MIPEP: variants seen among roughly 807,000 people sequenced by gnomAD.
MIPEP encodes the protein mitochondrial intermediate peptidase.
In MIPEP, 79 loss-of-function variants were observed where a neutral mutation model predicts 90.3. That is an observed-to-expected ratio of 0.87 (90% confidence interval 0.73 to 1.05). The LOEUF (loss-of-function observed/expected upper bound fraction) is 1.05. MIPEP is among the 50% of genes least tolerant of loss of function. MIPEP has a pLI of 0.00. For missense variants in MIPEP, 940 were observed against 905.6 expected (o/e 1.04, Z -0.49); for synonymous variants, 334 against 315.8 (o/e 1.06, Z -0.61).
intron 4 of MIPEP, 65 bp downstream of exon 4, chr13:23,879,199 TGAGG>T: frequency 1.1e-6 from 1 of 901,574 alleles, no homozygotes; most frequent in East Asian, 2.4e-5. Flanking sequence ...ACAGAGGCCC[TGAGG>T]GAGAGTCTCC....
intron 18 of MIPEP, among the ~76,000 whole-genome samples, chr13:23,735,071 T>C (rs529046741): frequency 1.8e-4 from 27 of 152,238 alleles, no homozygotes; most frequent in Admixed American, 4.6e-4. Flanking sequence ...CCCACCTGTG[T>C]AGAAGATCAT....
chr13:23,799,000 G>GTTTTT (rs765292524), intron 16 of MIPEP, among the ~76,000 whole-genome samples: 105 of 88,876 alleles, frequency 1.2e-3, no homozygotes, highest in Non-Finnish European at 1.4e-3. Flanking sequence ...AATTTTTTTG[G>GTTTTT]TTTTTTTTTT....
Position 23,835,109 on chromosome 13 carries a change from C to T in MIPEP, c.1653+1131G>A, listed in dbSNP as rs573368742. On this transcript the variant is annotated intron_variant, in intron 14 of 18. Coordinates refer to ENST00000382172, the MANE Select transcript of MIPEP (RefSeq NM_005932.4). ...AATGTCGGCTCACTGCAACCTCTGC[C>T]TCCCAGGTTCAAGTGATTCTCCTGC... Among the ~76,000 whole-genome samples, 15 of 150,978 alleles carry T rather than the reference C, an allele frequency of 9.9e-5. No homozygotes were observed. The East Asian group carries it at 2.3e-3, about 24-fold the overall frequency.
intron 17 of MIPEP, 116 bp from the exon 18 acceptor site, chr13:23,756,734 G>T: frequency 1.1e-6 from 1 of 939,648 alleles, no homozygotes; most frequent in Non-Finnish European, 1.6e-6. Flanking sequence ...GCCACCATGT[G>T]ACAATTTGGC....
chr13:23,768,459 TAATCC>T (rs1220207123), intron 16 of MIPEP, among the ~76,000 whole-genome samples: 1 of 152,214 alleles, frequency 6.6e-6, no homozygotes, highest in Non-Finnish European at 1.5e-5. Context: ...CTCATGTCTG[TAATCC>T]CAGAACTTTG....
intron 17 of MIPEP, among the ~76,000 whole-genome samples, chr13:23,759,047 G>A (rs1253842907): frequency 6.6e-6 from 1 of 152,140 alleles, no homozygotes; most frequent in Non-Finnish European, 1.5e-5. Flanking sequence ...AAAGTTCCCT[G>A]AAAAGAATTT....
At chr13:23,830,410 G>A (rs1238097396) in intron 14 of MIPEP, among the ~76,000 whole-genome samples, 1 of 152,166 alleles carries the variant, frequency 6.6e-6, no homozygotes, top group Non-Finnish European at 1.5e-5. Context: ...GATAAGAATT[G>A]AGCACTATGC....
intron 16 of MIPEP, among the ~76,000 whole-genome samples, chr13:23,776,009 G>A (rs775548995): frequency 2.0e-5 from 3 of 152,094 alleles, no homozygotes; most frequent in Non-Finnish European, 4.4e-5. Flanking sequence ...TTAAGTATAT[G>A]GTCATATTCA....
chr13:23,785,241 A>G (rs1159715581), intron 16 of MIPEP, among the ~76,000 whole-genome samples: 1 of 152,164 alleles, frequency 6.6e-6, no homozygotes, highest in Non-Finnish European at 1.5e-5. Context: ...AACCAACCCA[A>G]ATGTCCAACA....
chr13:23,796,106 C>G (rs188869402), intron 16 of MIPEP, among the ~76,000 whole-genome samples: 1 of 151,832 alleles, frequency 6.6e-6, no homozygotes, highest in East Asian at 1.9e-4. Flanking sequence ...CTCTATATAT[C>G]GAACAAAGAA....
At chr13:23,865,977 AATTAGTGTCCCC>A (rs1870515518) in intron 7 of MIPEP, among the ~76,000 whole-genome samples, 1 of 151,956 alleles carries the variant, frequency 6.6e-6, no homozygotes, top group Non-Finnish European at 1.5e-5. Flanking sequence ...GGCCTGCCTC[AATTAGTGTCCCC>A]AGAGAATTGT....
rs750900338 is a variant in MIPEP at position 23,837,502 on chromosome 13, T to C, written c.1543+50A>G. On this transcript the variant is annotated intron_variant, in intron 13 of 18. Coordinates refer to ENST00000382172, the MANE Select transcript of MIPEP (RefSeq NM_005932.4). ...AGCCCCTTTCCCAATTCAAAGAAAA[T>C]GTATGTTTGTAAAGGACTGTAGTAA... The C allele has an allele frequency of 7.4e-6, 10 of 1,356,966 alleles. No homozygotes were observed. In the African/African-American group the frequency reaches 8.6e-5, roughly 12 times the overall value. The allele number at this position is 1,356,966 out of a possible 1,614,324, so 84.1% of individuals were successfully genotyped here. A position where few individuals can be genotyped will look rare whatever the true frequency, so the allele number is the denominator to read the frequency against.
chr13:23,843,710 C>T (rs1593186049), intron 10 of MIPEP, among the ~76,000 whole-genome samples: 1 of 152,078 alleles, frequency 6.6e-6, no homozygotes, highest in Admixed American at 6.5e-5. Context: ...GCAGGGAGGG[C>T]TGACAGGAGG....
At chr13:23,765,997 C>G (rs1288487465) in intron 16 of MIPEP, 1 of 152,124 alleles carries the variant, frequency 6.6e-6, no homozygotes, top group Non-Finnish European at 1.5e-5. Context: ...TCAAGACCAC[C>G]ACACAACAAC....
Position 23,889,164 on chromosome 13 carries a change from C to A in MIPEP, c.157G>T (p.Gly53Cys). 1 of 1,466,474 alleles carries A rather than the reference C, an allele frequency of 6.8e-7. No homozygotes were observed. Among genetic ancestry groups the A allele is most frequent in the Non-Finnish European group, 9.0e-7 (1 of 1,110,612 alleles). 90.8% of individuals were successfully genotyped at this position (1,466,474 alleles called of 1,614,324 possible). The stretch of plus-strand genomic sequence containing the variant: ...TCGCCGAACAGGTCCAAGCGGCTGC[C>A]CTGGGGCTTGACATTGAAGGCGGCG... Reference protein sequence around the residue: ...VGAAFNVKPQGSRLDLFGERR... With the variant: ...VGAAFNVKPQCSRLDLFGERR... The change falls in exon 1 of 19, where the codon GGC becomes TGC. Residue 53 changes from glycine (G) to cysteine (C), a missense_variant. By Grantham distance (159) the Gly-to-Cys change is radical. Transcript: ENST00000382172.
At chr13:23,745,219 G>T (rs1040066470) in intron 18 of MIPEP, among the ~76,000 whole-genome samples, 1 of 152,096 alleles carries the variant, frequency 6.6e-6, no homozygotes, top group Non-Finnish European at 1.5e-5. Flanking sequence ...TTAATGTAAA[G>T]ATAAACTATT....
intron 14 of MIPEP, among the ~76,000 whole-genome samples, chr13:23,821,516 C>A (rs1953304821): frequency 6.6e-6 from 1 of 152,178 alleles, no homozygotes; most frequent in African/African-American, 2.4e-5. Context: ...AGACCTGTCA[C>A]AAGACTCTCT....
At chr13:23,872,734 T>C (rs865917866) in intron 5 of MIPEP, among the ~76,000 whole-genome samples, 1 of 152,238 alleles carries the variant, frequency 6.6e-6, no homozygotes, top group Middle Eastern at 3.4e-3. Context: ...ACTGTAATCA[T>C]ATGTTAGATA....
rs112381804 is a variant in MIPEP at position 23,756,502 on chromosome 13, A to G, written c.2044+43T>C. Reference sequence around the variant, plus strand: ...AAAAAAACATATGGAGAAAACATAAATCAGCTTTCATTATAGATGGTGCCA... The same window carrying G: ...AAAAAAACATATGGAGAAAACATAAGTCAGCTTTCATTATAGATGGTGCCA... On this transcript the variant is annotated intron_variant, in intron 18 of 18. Transcript: ENST00000382172. 1,049 of 1,572,176 alleles carry G rather than the reference A, an allele frequency of 6.7e-4. 6 individuals carry two copies. In the African/African-American group the frequency reaches 0.013, roughly 19 times the overall value.
Sources: allele counts gnomAD v4.1 joint callset (sites outside exome capture counted in the v4.1 genomes callset), GRCh38; gene constraint gnomAD v4.1.1; transcripts MANE v1.5; gene names NCBI Gene and HGNC (gene_info 2026-07-23, HGNC 2026-07-21).